Variants in CADM2 observed in about 807,000 individuals in gnomAD.
CADM2 encodes the protein cell adhesion molecule 2.
Under a neutral mutation model 49.8 loss-of-function variants are expected in CADM2, and 12 were observed. The ratio of observed to expected loss-of-function variants is 0.24; its 90% confidence interval spans 0.15 to 0.39. The LOEUF (loss-of-function observed/expected upper bound fraction) is 0.39, where lower values mean the gene tolerates loss of function less well. Ranked by LOEUF, CADM2 falls within the 10% of genes least tolerant of loss-of-function variation. The probability of loss-of-function intolerance (pLI) is 1.00; values close to 1 mark genes in which losing one functional copy is unlikely to be tolerated. For missense variants in CADM2, 378 were observed against 492.3 expected, an observed-to-expected ratio of 0.77 and a Z score of 2.20; for synonymous variants, 214 against 175.4, an observed-to-expected ratio of 1.22 and a Z score of -1.74.
intron 5 of CADM2, among the ~76,000 whole-genome samples, chr3:85,908,786 G>A (rs995814684): frequency 4.0e-5 from 6 of 150,728 alleles, no homozygotes; most frequent in African/African-American, 9.8e-5. Context: ...GTGCAGGGGC[G>A]TGGTCTCTGC....
intron 1 of CADM2, among the ~76,000 whole-genome samples, chr3:85,553,321 A>T (rs995076056): frequency 6.6e-6 from 1 of 152,094 alleles, no homozygotes; most frequent in African/African-American, 2.4e-5. Flanking sequence ...TTTTTAAACA[A>T]AGAAGATACT....
chr3:85,693,443 A>ATG (rs2066448857), intron 1 of CADM2, among the ~76,000 whole-genome samples: 1 of 144,510 alleles, frequency 6.9e-6, no homozygotes, highest in Admixed American at 6.9e-5. Flanking sequence ...AGCCGGGCGC[A>ATG]GTGGCGGGCG....
In CADM2 at chr3:85,862,342, TCTAA is replaced by T. The variant is rs1197633930; in HGVS notation, c.239-20945_239-20942del. Among the ~76,000 whole-genome samples, 7 of 152,266 alleles carry T rather than the reference TCTAA, an allele frequency of 4.6e-5. No homozygotes were observed. In the East Asian group the frequency reaches 7.7e-4, roughly 17 times the overall value. ...AACTTAATAAGAGGAGTAGAATCTC[TCTAA>T]CTAGATGATTCTAAGCAGTTTGGTA... On this transcript the variant is annotated intron_variant, in intron 3 of 9. Transcript: ENST00000383699.
Position 84,972,847 on chromosome 3 carries a change from G to C in CADM2, c.61+13179G>C, listed in dbSNP as rs184350856. 6.9e-4 allele frequency among the ~76,000 whole-genome samples: 105 copies of C among 152,228 alleles called. 1 individual carries two copies. Among genetic ancestry groups the C allele is most frequent in the Admixed American group, 6.7e-3 (102 of 15,284 alleles). On this transcript the variant is annotated intron_variant, in intron 1 of 9. Transcript: ENST00000383699. Reference sequence around the variant, plus strand: ...CTTATGGAGTTTACAGTCTAGTGTTGGCCACATAATAAACAAATCAAAATA... The same window carrying C: ...CTTATGGAGTTTACAGTCTAGTGTTCGCCACATAATAAACAAATCAAAATA...
intron 1 of CADM2, among the ~76,000 whole-genome samples, chr3:85,358,223 G>A (rs2032036200): frequency 6.6e-6 from 1 of 152,016 alleles, no homozygotes; most frequent in Admixed American, 6.6e-5. Flanking sequence ...AATCAAACAT[G>A]TCTGCAGACA....
chr3:85,386,046 T>C (rs1011897931), intron 1 of CADM2, among the ~76,000 whole-genome samples: 6 of 152,062 alleles, frequency 3.9e-5, no homozygotes, highest in African/African-American at 1.4e-4. Context: ...CAGAACAAAG[T>C]GAGAAGCTAT....
intron 2 of CADM2, chr3:85,800,246 C>G (rs554847283): frequency 6.6e-6 from 1 of 152,204 alleles, no homozygotes; most frequent in Non-Finnish European, 1.5e-5. Context: ...CTACGAAGCT[C>G]GAGTATCCCA....
intron 1 of CADM2, among the ~76,000 whole-genome samples, chr3:85,326,871 T>C (rs2044767861): frequency 6.6e-6 from 1 of 152,104 alleles, no homozygotes; most frequent in Admixed American, 6.6e-5. Flanking sequence ...TTTTAGTAGT[T>C]TAAATACAGT....
At chr3:85,254,910 A>C (rs2042850729) in intron 1 of CADM2, among the ~76,000 whole-genome samples, 1 of 152,082 alleles carries the variant, frequency 6.6e-6, no homozygotes, top group African/African-American at 2.4e-5. Context: ...TCTCACCCAG[A>C]TGCCAGAGCC....
At chr3:85,726,143 T>A (rs1036351828) in intron 1 of CADM2, among the ~76,000 whole-genome samples, 4 of 152,004 alleles carry the variant, frequency 2.6e-5, no homozygotes, top group Admixed American at 6.6e-5. Flanking sequence ...TACTCAAATA[T>A]CATGGGGTTA....
intron 1 of CADM2, among the ~76,000 whole-genome samples, chr3:85,487,753 TGTGCGTGTGTGTGTGC>T (rs1292938834): frequency 1.3e-5 from 2 of 151,334 alleles, no homozygotes; most frequent in Admixed American, 6.6e-5. Flanking sequence ...TGTGCGTGTG[TGTGCGTGTGTGTGTGC>T]GTGCGTGTGT....
At chr3:85,093,788 G>T (rs1264738702) in intron 1 of CADM2, among the ~76,000 whole-genome samples, 1 of 152,044 alleles carries the variant, frequency 6.6e-6, no homozygotes, top group Non-Finnish European at 1.5e-5. Context: ...ATTATTTTAA[G>T]ATTTTGACAG....
At chr3:85,777,449 T>C (rs1045169475) in intron 2 of CADM2, among the ~76,000 whole-genome samples, 1 of 151,934 alleles carries the variant, frequency 6.6e-6, no homozygotes, top group Non-Finnish European at 1.5e-5. Context: ...GAGATGGGGT[T>C]TCTACTCATT....
At chr3:85,568,428 T>TC (rs1491301556) in intron 1 of CADM2, among the ~76,000 whole-genome samples, 78 of 29,174 alleles carry the variant, frequency 2.7e-3, no homozygotes, top group African/African-American at 8.1e-3. Flanking sequence ...TCTTTCTTTC[T>TC]TTCTTTCTTT....
chr3:86,004,580 G>A (rs1408518204), intron 8 of CADM2, among the ~76,000 whole-genome samples: 1 of 152,050 alleles, frequency 6.6e-6, no homozygotes, highest in South Asian at 2.1e-4. Context: ...ACATTTCCCG[G>A]GCTTTTAGTC....
intron 1 of CADM2, among the ~76,000 whole-genome samples, chr3:85,223,994 A>G (rs1420115743): frequency 6.6e-6 from 1 of 152,144 alleles, no homozygotes; most frequent in Non-Finnish European, 1.5e-5. Flanking sequence ...TACTTTATCC[A>G]GTCTATCACT....
chr3:85,752,522 C>T (rs1020542134), intron 2 of CADM2, among the ~76,000 whole-genome samples: 4 of 151,458 alleles, frequency 2.6e-5, no homozygotes, highest in African/African-American at 9.7e-5. Context: ...TAAGCTTTTC[C>T]AAAGTCCATC....
At chr3:85,171,869 A>C (rs1374250474) in intron 1 of CADM2, among the ~76,000 whole-genome samples, 1 of 152,198 alleles carries the variant, frequency 6.6e-6, no homozygotes, top group Non-Finnish European at 1.5e-5. Context: ...TTGCTTATAT[A>C]CATTATATAC....
intron 1 of CADM2, among the ~76,000 whole-genome samples, chr3:85,263,073 A>C (rs1383687296): frequency 6.6e-6 from 1 of 151,838 alleles, no homozygotes; most frequent in Non-Finnish European, 1.5e-5. Context: ...GGTCACTGCA[A>C]CCTCTGCCTC....
Sources: allele counts gnomAD v4.1 joint callset (sites outside exome capture counted in the v4.1 genomes callset), GRCh38; gene constraint gnomAD v4.1.1; transcripts MANE v1.5; gene names NCBI Gene and HGNC (gene_info 2026-07-23, HGNC 2026-07-21).